Variants in TRDN observed in about 807,000 individuals in gnomAD.
TRDN encodes the protein triadin.
TRDN carries 161 observed loss-of-function variants against 149.7 expected under a neutral mutation model. That is an observed-to-expected ratio of 1.08 (90% confidence interval 0.95 to 1.23). The LOEUF (loss-of-function observed/expected upper bound fraction) is 1.23, where lower values mean the gene tolerates loss of function less well. TRDN is among the 50% of genes most tolerant of loss of function. The pLI, the probability that TRDN is intolerant of heterozygous loss-of-function variation, is 0.00. For synonymous variants in TRDN, 294 were observed against 250.5 expected (o/e 1.17, Z -1.64); for missense variants, 896 against 823.5 (o/e 1.09, Z -1.08).
chr6:123,368,299 G>T (rs1417864397), intron 19 of TRDN, among the ~76,000 whole-genome samples: 1 of 152,094 alleles, frequency 6.6e-6, no homozygotes, highest in Non-Finnish European at 1.5e-5. Context: ...CCTCTTCATT[G>T]TTGTCATCAA....
intron 4 of TRDN, among the ~76,000 whole-genome samples, chr6:123,544,624 T>G (rs977785497): frequency 7.9e-5 from 12 of 152,034 alleles, no homozygotes; most frequent in Admixed American, 7.2e-4. Flanking sequence ...AAAATGTGAT[T>G]TATAACAGTA....
intron 20 of TRDN, among the ~76,000 whole-genome samples, chr6:123,354,102 A>T (rs896706833): frequency 3.3e-5 from 5 of 151,838 alleles, no homozygotes; most frequent in African/African-American, 1.2e-4. Context: ...ATTTATTACC[A>T]GAAAAGAACT....
At chr6:123,498,397 A>C (rs188225679) in intron 8 of TRDN, 1 of 324,638 alleles carries the variant, frequency 3.1e-6, no homozygotes, top group Non-Finnish European at 6.4e-6. Flanking sequence ...TCTTTAAAAA[A>C]TAAATATAGT....
chr6:123,503,031 A>G (rs1246913525), intron 8 of TRDN: 16 of 985,222 alleles, frequency 1.6e-5, no homozygotes, highest in Non-Finnish European at 6.0e-6. Flanking sequence ...ATTCAGGTTT[A>G]TATGCCACCT....
chr6:123,389,627 AT>A (rs1310867081), intron 13 of TRDN, among the ~76,000 whole-genome samples: 3 of 152,150 alleles, frequency 2.0e-5, no homozygotes, highest in Non-Finnish European at 4.4e-5. Context: ...AAGAAAATGT[AT>A]TTTAATTTAC....
intron 19 of TRDN, among the ~76,000 whole-genome samples, chr6:123,367,073 A>G (rs1781130911): frequency 1.3e-5 from 2 of 152,182 alleles, no homozygotes; most frequent in Non-Finnish European, 2.9e-5. Flanking sequence ...TGGTTTCTCT[A>G]AATACTTAGA....
intron 10 of TRDN, among the ~76,000 whole-genome samples, chr6:123,450,160 T>C (rs1408458348): frequency 6.6e-6 from 1 of 151,706 alleles, no homozygotes; most frequent in East Asian, 1.9e-4. Flanking sequence ...AAAATAGAAG[T>C]TGAAAAGCAA....
chr6:123,400,167 G>GTATACATATATA (rs1554232312), intron 12 of TRDN, among the ~76,000 whole-genome samples: 3 of 123,396 alleles, frequency 2.4e-5, no homozygotes, highest in African/African-American at 9.0e-5. Flanking sequence ...ATATGTATGT[G>GTATACATATATA]TATATATATA....
intron 1 of TRDN, among the ~76,000 whole-genome samples, chr6:123,626,663 G>A (rs1348022186): frequency 2.6e-5 from 4 of 151,878 alleles, no homozygotes. Context: ...TTACATAATG[G>A]TGATATTTTG....
intron 1 of TRDN, among the ~76,000 whole-genome samples, chr6:123,588,365 T>G (rs1449208266): frequency 6.6e-6 from 1 of 152,132 alleles, no homozygotes; most frequent in Non-Finnish European, 1.5e-5. Context: ...TGTTTTAATG[T>G]TAATGCTGGC....
chr6:123,590,074 C>A (rs1783704662), intron 1 of TRDN, among the ~76,000 whole-genome samples: 1 of 152,018 alleles, frequency 6.6e-6, no homozygotes. Context: ...GTGTATATGA[C>A]TAGAGATATG....
chr6:123,450,173 A>G (rs921869075), intron 10 of TRDN, among the ~76,000 whole-genome samples: 1 of 152,104 alleles, frequency 6.6e-6, no homozygotes, highest in African/African-American at 2.4e-5. Flanking sequence ...AAAAGCAAAA[A>G]CAAAATAACC....
At chr6:123,447,689 T>C (rs368524050) in intron 10 of TRDN, among the ~76,000 whole-genome samples, 1 of 151,786 alleles carries the variant, frequency 6.6e-6, no homozygotes, top group African/African-American at 2.4e-5. Flanking sequence ...AATTCAAACT[T>C]CTTCAAGATA....
chr6:123,444,630 C>T (rs1213212067), intron 10 of TRDN, among the ~76,000 whole-genome samples: 1 of 150,786 alleles, frequency 6.6e-6, no homozygotes, highest in Non-Finnish European at 1.5e-5. Context: ...CAGTTTTTGC[C>T]CATTCAGTAT....
chr6:123,296,147 G>A (rs937634112), intron 24 of TRDN, among the ~76,000 whole-genome samples: 8 of 151,940 alleles, frequency 5.3e-5, no homozygotes, highest in African/African-American at 9.7e-5. Context: ...TACTCAACTC[G>A]TGATAGATTT....
chr6:123,562,251 T>G (rs1045886656), intron 2 of TRDN, among the ~76,000 whole-genome samples: 1 of 152,136 alleles, frequency 6.6e-6, no homozygotes, highest in Non-Finnish European at 1.5e-5. Context: ...CTTCGCTGAC[T>G]CTCTTTTCAG....
rs892391982 is a variant in TRDN at position 123,304,256 on chromosome 6, T to C, written c.1510+12201A>G. ...ATATTAATTTTCTTTTATTTTCTTT[T>C]TTTTTTTTTTTTTTTGAGACGGAGT... On this transcript the variant is annotated intron_variant, in intron 24 of 40. Coordinates refer to ENST00000334268, the MANE Select transcript of TRDN (RefSeq NM_006073.4). Among the ~76,000 whole-genome samples the C allele has an allele frequency of 7.0e-4, 100 of 143,152 alleles. 2 individuals carry two copies. Among genetic ancestry groups the C allele is most frequent in the Non-Finnish European group, 2.4e-4 (16 of 65,668 alleles). 93.9% of individuals were successfully genotyped at this position (143,152 alleles called of 152,430 possible). A position where few individuals can be genotyped will look rare whatever the true frequency, so the allele number is the denominator to read the frequency against.
At chr6:123,240,757 T>C (rs779275336) in intron 38 of TRDN, among the ~76,000 whole-genome samples, 8 of 151,914 alleles carry the variant, frequency 5.3e-5, no homozygotes, top group Non-Finnish European at 8.9e-5. Flanking sequence ...CAGTGCTAGA[T>C]ATGGGACTGG....
intron 1 of TRDN, among the ~76,000 whole-genome samples, chr6:123,636,443 C>T (rs1786320310): frequency 1.3e-5 from 2 of 151,918 alleles, no homozygotes; most frequent in East Asian, 3.9e-4. Context: ...GATAAGATAT[C>T]GGCCATCATG....
Sources: allele counts gnomAD v4.1 joint callset (sites outside exome capture counted in the v4.1 genomes callset), GRCh38; gene constraint gnomAD v4.1.1; transcripts MANE v1.5; gene names NCBI Gene and HGNC (gene_info 2026-07-23, HGNC 2026-07-21).